Variants in CCDC192 observed in about 807,000 individuals in gnomAD.
CCDC192 encodes coiled-coil domain containing 192.
At chr5:127,891,088 G>C (rs905439766) in intron 6 of CCDC192, among the ~76,000 whole-genome samples, 14 of 152,174 alleles carry the variant, frequency 9.2e-5, no homozygotes, top group Admixed American at 9.2e-4. Flanking sequence ...GTCTTGCTCT[G>C]TCGCCCAGGC....
chr5:127,902,812 C>T (rs185988855), intron 6 of CCDC192, among the ~76,000 whole-genome samples: 2 of 152,246 alleles, frequency 1.3e-5, no homozygotes, highest in Admixed American at 1.3e-4. Context: ...TTGTGAAGTA[C>T]CCTAGTGCTT....
chr5:127,702,793 G>A (rs1750760470), upstream of CCDC192, among the ~76,000 whole-genome samples: 1 of 152,230 alleles, frequency 6.6e-6, no homozygotes, highest in Non-Finnish European at 1.5e-5. Context: ...AATGCATCCA[G>A]GGAGAGATAC....
intron 1 of CCDC192, among the ~76,000 whole-genome samples, chr5:127,707,247 G>A (rs1454951768): frequency 1.3e-5 from 2 of 152,164 alleles, no homozygotes; most frequent in Non-Finnish European, 2.9e-5. Context: ...AACTAAAACG[G>A]TAAGAAGGCT....
chr5:127,899,172 G>A (rs954947292), intron 6 of CCDC192, among the ~76,000 whole-genome samples: 2 of 152,090 alleles, frequency 1.3e-5, no homozygotes, highest in Admixed American at 1.3e-4. Context: ...GTTTTTGGGG[G>A]GAGTGAACAG....
At chr5:127,836,356 A>G (rs528676771) in intron 5 of CCDC192, among the ~76,000 whole-genome samples, 2 of 152,114 alleles carry the variant, frequency 1.3e-5, no homozygotes, top group South Asian at 2.1e-4. Flanking sequence ...GCTGGCCTTG[A>G]GTGTCTGTAG....
At chr5:127,812,250 C>G (rs1758121977) in intron 5 of CCDC192, among the ~76,000 whole-genome samples, 1 of 152,184 alleles carries the variant, frequency 6.6e-6, no homozygotes, top group Non-Finnish European at 1.5e-5. Context: ...GCATACATTT[C>G]CATGTTTTGC....
At chr5:127,892,848 T>C (rs1283230550) in intron 6 of CCDC192, among the ~76,000 whole-genome samples, 1 of 152,146 alleles carries the variant, frequency 6.6e-6, no homozygotes. Flanking sequence ...AGAAACAGTG[T>C]AGAGTAGGTT....
At chr5:127,711,118 C>T (rs993947698) in intron 2 of CCDC192, among the ~76,000 whole-genome samples, 1 of 152,114 alleles carries the variant, frequency 6.6e-6, no homozygotes, top group Admixed American at 6.5e-5. Flanking sequence ...TGAACTATTT[C>T]TGAGAATCTA....
intron 6 of CCDC192, among the ~76,000 whole-genome samples, chr5:127,919,061 GTGTGTGTATATA>G (rs1753624451): frequency 7.0e-6 from 1 of 142,850 alleles, no homozygotes; most frequent in African/African-American, 2.8e-5. Flanking sequence ...GTGTGTATGT[GTGTGTGTATATA>G]TGTGTGTGTG....
intron 5 of CCDC192, among the ~76,000 whole-genome samples, chr5:127,865,275 T>TA (rs1420532558): frequency 6.6e-6 from 1 of 152,044 alleles, no homozygotes; most frequent in East Asian, 1.9e-4. Context: ...ACAAAAAAAG[T>TA]AACTAAAATC....
intron 5 of CCDC192, among the ~76,000 whole-genome samples, chr5:127,860,010 C>G (rs1347624331): frequency 6.6e-6 from 1 of 152,246 alleles, no homozygotes; most frequent in Non-Finnish European, 1.5e-5. Flanking sequence ...CCTTGTACCC[C>G]TTTCTTCCTA....
intron 6 of CCDC192, chr5:127,940,745 G>A (rs1046529693): frequency 2.0e-5 from 3 of 152,288 alleles, no homozygotes; most frequent in East Asian, 1.9e-4. Context: ...CACCGCGTCC[G>A]GCCCTCATTT....
intron 2 of CCDC192, among the ~76,000 whole-genome samples, chr5:127,749,068 A>T (rs1208940650): frequency 2.0e-5 from 3 of 152,136 alleles, no homozygotes; most frequent in African/African-American, 7.2e-5. Context: ...GGACAATTTG[A>T]CTTACTTCCT....
chr5:127,853,636 G>A (rs941428349), intron 5 of CCDC192, among the ~76,000 whole-genome samples: 2 of 152,112 alleles, frequency 1.3e-5, no homozygotes, highest in African/African-American at 4.8e-5. Context: ...ATCCGGGCGT[G>A]GTGATGGGCA....
intron 3 of CCDC192, chr5:127,785,044 A>G (rs11957799): frequency 0.34 from 164,175 of 489,248 alleles, 28,735 homozygotes; most frequent in South Asian, 0.42. Flanking sequence ...CAAAATGTCC[A>G]TTTTAATTTG....
chr5:127,853,270 T>A (rs1198583629), intron 5 of CCDC192, among the ~76,000 whole-genome samples: 2 of 152,174 alleles, frequency 1.3e-5, no homozygotes, highest in African/African-American at 4.8e-5. Flanking sequence ...GGATCCTCAG[T>A]ATCCCTTAGA....
At chr5:127,882,322 A>G (rs549944873) in intron 6 of CCDC192, among the ~76,000 whole-genome samples, 5 of 152,284 alleles carry the variant, frequency 3.3e-5, no homozygotes, top group African/African-American at 4.8e-5. Flanking sequence ...CTTTGCCGAC[A>G]CCCCAGAGCC....
At chr5:127,846,712 C>T (rs1750560479) in intron 5 of CCDC192, among the ~76,000 whole-genome samples, 2 of 151,204 alleles carry the variant, frequency 1.3e-5, no homozygotes, top group African/African-American at 4.9e-5. Flanking sequence ...TCAAGTGATC[C>T]ACCCACCTCA....
chr5:127,751,210 C>T (rs914209626), intron 2 of CCDC192, among the ~76,000 whole-genome samples: 16 of 151,740 alleles, frequency 1.1e-4, no homozygotes, highest in South Asian at 4.2e-4. Context: ...TTCCTAGTCT[C>T]GATGGTCTTT....
Sources: allele counts gnomAD v4.1 joint callset (sites outside exome capture counted in the v4.1 genomes callset), GRCh38; gene constraint gnomAD v4.1.1; transcripts MANE v1.5; gene names NCBI Gene and HGNC (gene_info 2026-07-23, HGNC 2026-07-21).